Variants in RGS3 observed in about 807,000 individuals in gnomAD.
The protein encoded by RGS3 is regulator of G-protein signalling 3.
A neutral mutation model predicts 132.6 loss-of-function variants in RGS3; 80 were observed. The observed-to-expected ratio is 0.60, with a 90% CI of 0.50 to 0.73. The LOEUF is 0.73. Among genes scored for constraint, RGS3 ranks in the 30% least tolerant of loss-of-function variants. The pLI is 0.00. For synonymous variants in RGS3, 598 were observed against 620.6 expected, an observed-to-expected ratio of 0.96 and a Z score of 0.54; for missense variants, 1,382 against 1,530.8, an observed-to-expected ratio of 0.90 and a Z score of 1.62.
chr9:113,466,506 C>CAAGTGAA (rs1467873670), intron 3 of RGS3, among the ~76,000 whole-genome samples: 7 of 152,134 alleles, frequency 4.6e-5, no homozygotes, highest in African/African-American at 1.7e-4. Flanking sequence ...GTTCAAGTGA[C>CAAGTGAA]ATTAATTGAA....
upstream of RGS3, among the ~76,000 whole-genome samples, chr9:113,458,468 T>C (rs896841622): frequency 7.2e-5 from 11 of 152,222 alleles, no homozygotes; most frequent in Non-Finnish European, 1.5e-4. Context: ...AATATACTGT[T>C]GGATTTGATT....
chr9:113,463,892 G>T lies in RGS3; in HGVS notation c.415+1691G>T. 6.2e-7 allele frequency: 1 copy of T among 1,612,276 alleles called. No homozygotes were observed. The highest frequency in any genetic ancestry group is 8.5e-7 in the Non-Finnish European group (1 of 1,179,402). On this transcript the variant is annotated intron_variant, in intron 3 of 24. Transcript: ENST00000350696. The surrounding 1 kb of genome is among the most constrained non-coding windows in gnomAD (Gnocchi z 4.6). The stretch of plus-strand genomic sequence containing the variant: ...ACCTCACCACCTTTGGTAAGTGCCC[G>T]CTGGGGCTGGCGGCAGGGGCTGCTT...
chr9:113,476,016 T>C (rs10981793), intron 3 of RGS3, among the ~76,000 whole-genome samples: 23,953 of 151,822 alleles, frequency 0.16, 2,021 homozygotes, highest in African/African-American at 0.2. Flanking sequence ...TGGTTCACTG[T>C]GGGCTCAACC....
chr9:113,447,404 A>AT (rs1829139241), intron 1 of RGS3, among the ~76,000 whole-genome samples: 1 of 131,604 alleles, frequency 7.6e-6, no homozygotes, highest in Non-Finnish European at 1.6e-5. Flanking sequence ...TCTACTTTAT[A>AT]TTTTTGGCCT....
In RGS3 at chr9:113,448,857, T is replaced by C. The variant is rs140021793; in HGVS notation, c.-13+3930T>C. ...CTACAGTGATGAGAAGAAGGAGAGGTCACTTTGGATATTACCATTTAAGGC... is the reference window on the plus strand; with the variant it reads ...CTACAGTGATGAGAAGAAGGAGAGGCCACTTTGGATATTACCATTTAAGGC... On this transcript the variant is annotated intron_variant, in intron 1 of 25. Transcript: ENST00000374140. 2.0e-3 allele frequency among the ~76,000 whole-genome samples: 300 copies of C among 151,830 alleles called. 2 individuals are homozygous for C. The highest frequency in any genetic ancestry group is 6.8e-3 in the Middle Eastern group (2 of 294).
At chr9:113,541,292 C>A in intron 19 of RGS3, 1 of 1,607,414 alleles carries the variant, frequency 6.2e-7, no homozygotes, top group South Asian at 1.1e-5. Flanking sequence ...AGACAGCGAG[C>A]TAATTCCAGT....
chr9:113,499,810 A>G (rs1158674456), intron 10 of RGS3, among the ~76,000 whole-genome samples: 1 of 152,182 alleles, frequency 6.6e-6, no homozygotes, highest in Non-Finnish European at 1.5e-5. Context: ...GTTTTAAGTA[A>G]TTTCAGTTTA....
At chr9:113,500,509 C>T (rs1830839137) in intron 10 of RGS3, among the ~76,000 whole-genome samples, 1 of 152,152 alleles carries the variant, frequency 6.6e-6, no homozygotes, top group South Asian at 2.1e-4. Context: ...GTCCTAGCCC[C>T]ACACTGCCCT....
chr9:113,550,093 G>A (rs1833278296), intron 19 of RGS3, among the ~76,000 whole-genome samples: 1 of 152,244 alleles, frequency 6.6e-6, no homozygotes. Flanking sequence ...GTTGGGCGCG[G>A]TGGCTCATGC....
chr9:113,512,858 G>C (rs150204493), intron 14 of RGS3, among the ~76,000 whole-genome samples: 3 of 152,138 alleles, frequency 2.0e-5, no homozygotes, highest in Admixed American at 2.0e-4. Flanking sequence ...ACTTTTTAGC[G>C]ACTTTGTGTT....
chr9:113,549,198 C>T (rs1259470192), intron 19 of RGS3, among the ~76,000 whole-genome samples: 3 of 152,188 alleles, frequency 2.0e-5, no homozygotes, highest in African/African-American at 7.2e-5. Flanking sequence ...AATCCTAGCT[C>T]TTCCTCTCAC....
At chr9:113,461,638 G>C in intron 1 of RGS3, 1 of 1,497,840 alleles carries the variant, frequency 6.7e-7, no homozygotes, top group Non-Finnish European at 9.1e-7. Flanking sequence ...GACCTACAAA[G>C]CAGTAGAATC....
chr9:113,530,416 C>G (rs1221423242), intron 18 of RGS3, among the ~76,000 whole-genome samples: 1 of 152,218 alleles, frequency 6.6e-6, no homozygotes, highest in Non-Finnish European at 1.5e-5. Flanking sequence ...TGGATGTCCT[C>G]CCCTGTGTCA....
Position 113,483,126 on chromosome 9 carries a change from T to C in RGS3, c.525+9T>C, listed in dbSNP as rs1218340929. The C allele has an allele frequency of 1.9e-6, 3 of 1,591,560 alleles. No individual in the cohort carries two copies. Among genetic ancestry groups the C allele is most frequent in the Non-Finnish European group, 2.6e-6 (3 of 1,160,290 alleles). On this transcript the variant is annotated intron_variant, in intron 5 of 24. Transcript: ENST00000350696. ...GTGATCCGTATGTGAAGGTATGTGG[T>C]GGGGCCGGAGATGGAGAGTGGGATA...
At chr9:113,583,373 A>G in intron 19 of RGS3, 77 bp from the exon 18 acceptor site, 1 of 1,538,656 alleles carries the variant, frequency 6.5e-7, no homozygotes, top group South Asian at 1.2e-5. Context: ...GCCTGATTTC[A>G]TGTCAGCTCA....
Position 113,507,811 on chromosome 9 carries a change from G to A in RGS3, c.1437+173G>A, listed in dbSNP as rs1199055304. On this transcript the variant is annotated intron_variant, in intron 13 of 24. Coordinates refer to ENST00000350696, the Ensembl canonical transcript of RGS3. The surrounding 1 kb of genome is among the most constrained non-coding windows in gnomAD (Gnocchi z 5.0). ...CTGCAAGGCTGTTCTTGGTAGGGAG[G>A]ACAGATGGGTCTATGTGGCCTCAGG... Among the ~76,000 whole-genome samples the A allele has an allele frequency of 2.0e-5, 3 of 152,210 alleles. No homozygotes were observed. The highest frequency in any genetic ancestry group is 1.3e-4 in the Admixed American group (2 of 15,288).
chr9:113,553,460 ATATATATATATATAT>A lies in RGS3; in HGVS notation c.2037+16543_2037+16557del, dbSNP rs1424857636. Among the ~76,000 whole-genome samples the A allele has an allele frequency of 2.0e-3, 98 of 49,824 alleles. 2 individuals are homozygous for A. Among genetic ancestry groups the A allele is most frequent in the African/African-American group, 7.9e-3 (96 of 12,226 alleles). 32.7% of individuals were successfully genotyped at this position (49,824 alleles called of 152,430 possible). ...TCTGTTTAAAAAAAAAAAAAAAAAA[ATATATATATATATAT>A]ATATATATATATATATGTATATATA... On this transcript the variant is annotated intron_variant, in intron 19 of 24. Transcript: ENST00000350696.
At chr9:113,569,633 CCTTCCT>C (rs1588266839) in intron 19 of RGS3, among the ~76,000 whole-genome samples, 1 of 150,260 alleles carries the variant, frequency 6.7e-6, no homozygotes, top group East Asian at 2.0e-4. Context: ...TTCCTTCCTT[CCTTCCT>C]TCCCTCCTTC....
chr9:113,502,358 G>C (rs926493476), intron 10 of RGS3, among the ~76,000 whole-genome samples: 1 of 152,230 alleles, frequency 6.6e-6, no homozygotes, highest in Non-Finnish European at 1.5e-5. Context: ...AAATCACATA[G>C]AGAAGCCCCT....
Sources: allele counts gnomAD v4.1 joint callset (sites outside exome capture counted in the v4.1 genomes callset), GRCh38; gene constraint gnomAD v4.1.1; non-coding constraint Gnocchi (gnomAD v3.1); transcripts MANE v1.5; gene names NCBI Gene and HGNC (gene_info 2026-07-23, HGNC 2026-07-21).